Variants in ZNF831 observed in about 807,000 individuals in gnomAD.
ZNF831 encodes chromosome 20 open reading frame 174.
In ZNF831, 59 loss-of-function variants were observed where a neutral mutation model predicts 95.8. The ratio of observed to expected loss-of-function variants is 0.62; its 90% CI spans 0.50 to 0.77. ZNF831 has a LOEUF of 0.77. Ranked by LOEUF, ZNF831 falls within the 30% of genes least tolerant of loss-of-function variation. The pLI, the probability that ZNF831 is intolerant of heterozygous loss-of-function variation, is 0.00. For missense variants in ZNF831, 2,205 were observed against 2,164.0 expected, an observed-to-expected ratio of 1.02 and a Z score of -0.38; for synonymous variants, 961 against 925.5, an observed-to-expected ratio of 1.04 and a Z score of -0.70.
intron 1 of ZNF831, among the ~76,000 whole-genome samples, chr20:59,176,149 G>T (rs1982144198): frequency 6.6e-6 from 1 of 152,228 alleles, no homozygotes; most frequent in Non-Finnish European, 1.5e-5. Context: ...GAAAAGGAAT[G>T]AATGATTGGA....
chr20:59,256,462 G>A lies in ZNF831; in HGVS notation c.*1719G>A, dbSNP rs1304432875. Reference sequence around the variant, plus strand: ...CCCTTTTCGAAGGATTCATGCCACTGTAATGAGAGAGGCAGTGTAGGCAAA... The same window carrying A: ...CCCTTTTCGAAGGATTCATGCCACTATAATGAGAGAGGCAGTGTAGGCAAA... On this transcript the variant is annotated 3_prime_UTR_variant, in exon 6 of 6. Coordinates refer to ENST00000371030, the MANE Select transcript of ZNF831 (RefSeq NM_178457.3). 1 of 152,230 alleles carries A rather than the reference G, an allele frequency of 6.6e-6. No individual in the cohort carries two copies. Among genetic ancestry groups the A allele is most frequent in the African/African-American group, 2.4e-5 (1 of 41,460 alleles). The allele number at this position is 152,230 out of a possible 1,614,324, so 9.4% of individuals were successfully genotyped here.
intron 4 of ZNF831, among the ~76,000 whole-genome samples, chr20:59,221,915 C>T (rs1237093728): frequency 6.6e-6 from 1 of 152,206 alleles, no homozygotes; most frequent in Non-Finnish European, 1.5e-5. Flanking sequence ...GTTCGTTAAG[C>T]ACCCCCGGGT....
At chr20:59,236,560 C>CT (rs1459920541) in intron 4 of ZNF831, among the ~76,000 whole-genome samples, 1,217 of 118,676 alleles carry the variant, frequency 0.01, 16 homozygotes, top group African/African-American at 0.026. Context: ...TAGTTTTTTG[C>CT]TTTTTTTTTT....
intron 2 of ZNF831, among the ~76,000 whole-genome samples, chr20:59,152,610 T>A (rs1980311053): frequency 6.6e-6 from 1 of 152,174 alleles, no homozygotes; most frequent in African/African-American, 2.4e-5. Flanking sequence ...TTTAATTTTT[T>A]AATTGCAGCT....
At position 59,253,011 on chromosome 20, in the gene ZNF831, C is replaced by T. The variant is rs1330665783; in HGVS notation, c.4061C>T (p.Thr1354Ile). The T allele has an allele frequency of 1.2e-6, 2 of 1,614,032 alleles. No homozygotes were observed. The highest frequency in any genetic ancestry group is 1.6e-4 in the Middle Eastern group (1 of 6,062). The change falls in exon 5 of 6, where the codon ACC becomes ATC. Residue 1354 changes from threonine to isoleucine, a missense_variant. Physicochemically the swap from Thr to Ile is moderately conservative, Grantham distance 89. Coordinates refer to ENST00000371030, the MANE Select transcript of ZNF831 (RefSeq NM_178457.3). Reference protein sequence around the residue: ...LNLQEEPSCATSESPPCCGKE... With the variant: ...LNLQEEPSCAISESPPCCGKE... The stretch of plus-strand genomic sequence containing the variant: ...CTGCAAGAGGAGCCATCTTGTGCCA[C>T]CTCAGAATCACCTCCTTGTTGTGGG...
At chr20:59,153,573 C>T (rs549558238) in intron 2 of ZNF831, among the ~76,000 whole-genome samples, 38 of 152,332 alleles carry the variant, frequency 2.5e-4, no homozygotes, top group East Asian at 5.8e-4. Context: ...GAAGGCTGGA[C>T]GGACATGTTC....
intron 1 of ZNF831, among the ~76,000 whole-genome samples, chr20:59,131,947 G>A (rs1035790119): frequency 1.3e-5 from 2 of 152,332 alleles, no homozygotes; most frequent in South Asian, 4.1e-4. Context: ...CATGATCACT[G>A]TAAAGAATTC....
In ZNF831 at chr20:59,193,680, G is replaced by T. The variant is rs760790981; in HGVS notation, c.2661G>T (p.Leu887Phe). Residue 887 changes from leucine (L) to phenylalanine (F), a missense_variant, in exon 2 of 6, where the codon TTG becomes TTT. Physicochemically the swap from Leu to Phe is conservative, Grantham distance 22. Coordinates refer to ENST00000371030, the MANE Select transcript of ZNF831 (RefSeq NM_178457.3). Reference protein sequence around the residue: ...GEPLESSGASLAAASVALKRV... With the variant: ...GEPLESSGASFAAASVALKRV... ...CTCTGGAGTCCTCTGGAGCCTCCTT[G>T]GCTGCTGCTTCTGTTGCCCTGAAGA... The T allele has an allele frequency of 6.2e-7, 1 of 1,613,026 alleles. No individual in the cohort carries two copies. Among genetic ancestry groups the T allele is most frequent in the Admixed American group, 1.7e-5 (1 of 60,008 alleles).
intron 2 of ZNF831, among the ~76,000 whole-genome samples, chr20:59,148,169 T>G (rs1730307003): frequency 6.6e-6 from 1 of 152,212 alleles, no homozygotes; most frequent in South Asian, 2.1e-4. Flanking sequence ...AGTCTTCGTT[T>G]AGTTCCTAAG....
intron 3 of ZNF831, among the ~76,000 whole-genome samples, chr20:59,197,830 C>G (rs999229776): frequency 6.6e-6 from 1 of 152,194 alleles, no homozygotes; most frequent in African/African-American, 2.4e-5. Context: ...AAGGGGAATG[C>G]ATGCCATCCA....
chr20:59,147,161 G>A (rs1476680548), intron 2 of ZNF831: 1 of 152,302 alleles, frequency 6.6e-6, no homozygotes, highest in Non-Finnish European at 1.5e-5. Context: ...GTAATGTAAT[G>A]TACATGTAGA....
At chr20:59,165,838 C>T (rs569798430) in intron 1 of ZNF831, among the ~76,000 whole-genome samples, 2 of 152,260 alleles carry the variant, frequency 1.3e-5, no homozygotes, top group African/African-American at 2.4e-5. Flanking sequence ...CAACCTCTAC[C>T]TTCTGGGTTA....
At chr20:59,159,326 G>C (rs1229531725), upstream of ZNF831, among the ~76,000 whole-genome samples, 2 of 152,166 alleles carry the variant, frequency 1.3e-5, no homozygotes, top group African/African-American at 4.8e-5. Flanking sequence ...CTGCAGAAGG[G>C]AGGAAGGAGG....
chr20:59,160,474 G>A (rs1006721912), upstream of ZNF831: 1 of 152,414 alleles, frequency 6.6e-6, no homozygotes, highest in Non-Finnish European at 1.5e-5. Flanking sequence ...AGGCTGCGTT[G>A]GCTCCCCAAG....
chr20:59,148,713 A>AAAAAAAAAAAAG (rs1980037766), intron 2 of ZNF831, among the ~76,000 whole-genome samples: 1 of 84,216 alleles, frequency 1.2e-5, no homozygotes. Context: ...AAAAAAAAAA[A>AAAAAAAAAAAAG]AAAAAAAAAA....
chr20:59,183,162 C>T (rs1033669624), intron 1 of ZNF831, among the ~76,000 whole-genome samples: 10 of 152,182 alleles, frequency 6.6e-5, no homozygotes, highest in South Asian at 4.1e-4. Flanking sequence ...GAGAGGCCAA[C>T]GTGGGAACCG....
chr20:59,182,434 C>T (rs1982692987), intron 1 of ZNF831, among the ~76,000 whole-genome samples: 1 of 152,166 alleles, frequency 6.6e-6, no homozygotes, highest in African/African-American at 2.4e-5. Context: ...AGGGAACTTG[C>T]TGAGCTTCAC....
chr20:59,193,570 G>T lies in ZNF831; in HGVS notation c.2551G>T (p.Ala851Ser), dbSNP rs776164778. The T allele has an allele frequency of 1.2e-6, 2 of 1,608,332 alleles. No homozygotes were observed. The highest frequency in any genetic ancestry group is 1.7e-6 in the Non-Finnish European group (2 of 1,177,384). Residue 851 changes from alanine (A) to serine (S), a missense_variant, in exon 2 of 6, where the codon GCC becomes TCC. Physicochemically the swap from Ala to Ser is moderately conservative, Grantham distance 99 (BLOSUM62 1). Coordinates refer to ENST00000371030, the MANE Select transcript of ZNF831 (RefSeq NM_178457.3). ...GACCCCAGGTGGGCCCACGCAGCCT[G>T]CCTCTTTGTCATCCCAGAAGCAGGA... ...AETPGGPTQP[A>S]SLSSQKQDAD... is the part of the protein sequence containing the mutation.
At chr20:59,186,920 T>C (rs73309011) in intron 1 of ZNF831, among the ~76,000 whole-genome samples, 5,599 of 150,770 alleles carry the variant, frequency 0.037, 365 homozygotes, top group African/African-American at 0.13. Context: ...TGCTGGTAAA[T>C]GTTGAGACTG....
Sources: allele counts gnomAD v4.1 joint callset (sites outside exome capture counted in the v4.1 genomes callset), GRCh38; gene constraint gnomAD v4.1.1; transcripts MANE v1.5; gene names NCBI Gene and HGNC (gene_info 2026-07-23, HGNC 2026-07-21).